Variants in SPAG1 observed in about 807,000 individuals in gnomAD.
The protein encoded by SPAG1 is sperm associated antigen 1.
SPAG1 carries 69 observed loss-of-function variants against 100.5 expected under a neutral mutation model. That is an observed-to-expected ratio of 0.69 (90% CI 0.57 to 0.84). The LOEUF (loss-of-function observed/expected upper bound fraction) is 0.84, where lower values mean the gene tolerates loss of function less well. SPAG1 is among the 40% of genes least tolerant of loss of function. The pLI, the probability that SPAG1 is intolerant of heterozygous loss-of-function variation, is 0.00. For missense variants in SPAG1, 955 were observed against 1,133.1 expected (o/e 0.84, Z 2.26); for synonymous variants, 336 against 411.6 (o/e 0.82, Z 2.22).
At chr8:100,202,495 G>A (rs1400210682) in intron 10 of SPAG1, among the ~76,000 whole-genome samples, 2 of 150,360 alleles carry the variant, frequency 1.3e-5, no homozygotes, top group Admixed American at 1.3e-4. Flanking sequence ...CGGATCACGA[G>A]GTCAGGAGAT....
chr8:100,193,498 CAAA>C (rs975266299), intron 9 of SPAG1, among the ~76,000 whole-genome samples: 1 of 152,042 alleles, frequency 6.6e-6, no homozygotes, highest in African/African-American at 2.4e-5. Context: ...ACAAAACAAA[CAAA>C]AAAGCCACAG....
At chr8:100,237,462 G>A (rs1178358199) in intron 16 of SPAG1, among the ~76,000 whole-genome samples, 2 of 152,144 alleles carry the variant, frequency 1.3e-5, no homozygotes, top group African/African-American at 4.8e-5. Flanking sequence ...TCTCTTGTTA[G>A]TATCCATCTC....
At chr8:100,185,637 A>G (rs1043528440) in intron 7 of SPAG1, among the ~76,000 whole-genome samples, 4 of 152,242 alleles carry the variant, frequency 2.6e-5, no homozygotes, top group African/African-American at 9.6e-5. Flanking sequence ...ACAGCCTATG[A>G]AAAGTAGACT....
At chr8:100,233,325 A>C in intron 15 of SPAG1, 86 bp from the exon 16 acceptor site, 1 of 1,442,284 alleles carries the variant, frequency 6.9e-7, no homozygotes, top group East Asian at 2.3e-5. Flanking sequence ...ATATTGAGCT[A>C]TTTTCTGATT....
At chr8:100,165,747 G>A in intron 2 of SPAG1, 67 bp from the exon 3 acceptor site, 1 of 1,372,834 alleles carries the variant, frequency 7.3e-7, no homozygotes, top group Non-Finnish European at 1.0e-6. Flanking sequence ...AACCCAGCCT[G>A]CAAACCGCTG....
chr8:100,165,548 G>A, intron 2 of SPAG1: 3 of 394,414 alleles, frequency 7.6e-6, no homozygotes, highest in South Asian at 2.7e-5. Flanking sequence ...CGGTGCCGGG[G>A]ACCACACCGC....
intron 4 of SPAG1, 124 bp from the exon 5 acceptor site, chr8:100,183,251 G>A: frequency 2.0e-6 from 1 of 510,028 alleles, no homozygotes; most frequent in Non-Finnish European, 3.6e-6. Flanking sequence ...GGGATTACAG[G>A]CGTGAGTCCC....
At chr8:100,224,091 AT>A (rs1818400255) in intron 13 of SPAG1, among the ~76,000 whole-genome samples, 1 of 152,174 alleles carries the variant, frequency 6.6e-6, no homozygotes, top group Non-Finnish European at 1.5e-5. Flanking sequence ...TTTTAATTTT[AT>A]TTTTAAATCT....
rs1201254510 is a variant in SPAG1 at position 100,240,896 on chromosome 8, G to A, written c.2655G>A (p.Met885Ile). The stretch of plus-strand genomic sequence containing the variant: ...TTTTTTTTTGCTTCTTTTAGATGAT[G>A]TTGACACTAATTAGCAAGGGCCAAA... ...YLSKAERFKMMLTLISKGQKE... is the reference protein window; with the variant it reads ...YLSKAERFKMILTLISKGQKE... Residue 885 changes from methionine to isoleucine, a missense_variant, in exon 19 of 19, where the codon ATG becomes ATA. By Grantham distance (10) the Met-to-Ile change is conservative. Coordinates refer to ENST00000388798, the MANE Select transcript of SPAG1 (RefSeq NM_003114.5). 2.9e-6 allele frequency: 4 copies of A among 1,398,546 alleles called. No individual in the cohort carries two copies. Among genetic ancestry groups the A allele is most frequent in the Non-Finnish European group, 3.9e-6 (4 of 1,015,514 alleles). 86.6% of individuals were successfully genotyped at this position (1,398,546 alleles called of 1,614,324 possible).
In SPAG1 at chr8:100,225,168, T is replaced by C. The variant is rs1266842843; in HGVS notation, c.1689-5T>C. On this transcript the variant is annotated splice_polypyrimidine_tract_variant and splice_region_variant and intron_variant, in intron 13 of 18. Transcript: ENST00000388798. ...ATCAACAGAGAAAATTCACTTTCTC[T>C]TTAGGCTATCAAGAATTTTAATGGA... is the stretch of plus-strand genomic sequence containing the variant. 1.2e-6 allele frequency: 2 copies of C among 1,606,990 alleles called. No individual in the cohort carries two copies. The highest frequency in any genetic ancestry group is 2.2e-5 in the South Asian group (2 of 90,794).
At chr8:100,170,567 T>A (rs888412769) in intron 3 of SPAG1, among the ~76,000 whole-genome samples, 90 of 152,208 alleles carry the variant, frequency 5.9e-4, no homozygotes, top group African/African-American at 1.8e-3. Flanking sequence ...GCAACCACCA[T>A]TCTATTGCTG....
intron 3 of SPAG1, among the ~76,000 whole-genome samples, chr8:100,174,097 G>A (rs76704477): frequency 0.049 from 7,430 of 151,996 alleles, 546 homozygotes; most frequent in African/African-American, 0.15. Flanking sequence ...AAGGAGTTAG[G>A]GGCGCTGGCT....
chr8:100,174,613 C>T (rs753866595), intron 3 of SPAG1, among the ~76,000 whole-genome samples: 2 of 152,200 alleles, frequency 1.3e-5, no homozygotes, highest in Non-Finnish European at 1.5e-5. Flanking sequence ...GTCCCCGTAT[C>T]ACAGAGGGTA....
intron 16 of SPAG1, among the ~76,000 whole-genome samples, chr8:100,234,951 G>T (rs974555220): frequency 2.6e-5 from 4 of 152,176 alleles, no homozygotes; most frequent in Non-Finnish European, 5.9e-5. Flanking sequence ...AGGAAGGTAA[G>T]TGAGAGATCA....
chr8:100,194,954 C>G (rs186175685), intron 10 of SPAG1, among the ~76,000 whole-genome samples: 57 of 152,102 alleles, frequency 3.7e-4, no homozygotes, highest in South Asian at 1.0e-3. Flanking sequence ...ATCATGAGGT[C>G]AGGAGTTCAA....
At chr8:100,217,354 G>A (rs2132374106) in intron 12 of SPAG1, among the ~76,000 whole-genome samples, 1 of 152,262 alleles carries the variant, frequency 6.6e-6, no homozygotes, top group East Asian at 1.9e-4. Flanking sequence ...ATTTTTAAAT[G>A]TATTTTGGGA....
intron 3 of SPAG1, among the ~76,000 whole-genome samples, chr8:100,166,258 T>A (rs1309351791): frequency 6.6e-6 from 1 of 151,954 alleles, no homozygotes; most frequent in Non-Finnish European, 1.5e-5. Flanking sequence ...TTATTTGTAA[T>A]TTTTTTTCTT....
intron 15 of SPAG1, among the ~76,000 whole-genome samples, chr8:100,232,819 A>T (rs1477180322): frequency 6.6e-6 from 1 of 152,172 alleles, no homozygotes; most frequent in East Asian, 1.9e-4. Context: ...CATGACTTAC[A>T]GTGCCCTTCG....
intron 16 of SPAG1, among the ~76,000 whole-genome samples, chr8:100,234,811 G>T (rs1055856729): frequency 1.3e-5 from 2 of 152,140 alleles, no homozygotes; most frequent in African/African-American, 4.8e-5. Context: ...TGAGGGGCTT[G>T]GTAGGCCATG....
Sources: gnomAD v4.1 joint callset for allele counts (sites outside exome capture counted in the v4.1 genomes callset) on GRCh38, gnomAD v4.1.1 for gene constraint, MANE v1.5 for transcripts, NCBI Gene and HGNC (gene_info 2026-07-23, HGNC 2026-07-21) for gene names.